GALNT13: variants seen among roughly 807,000 people sequenced by gnomAD.
The protein encoded by GALNT13 is polypeptide N-acetylgalactosaminyltransferase 13, also known as UDP-GalNAc:polypeptide N-acetylgalactosaminyltransferase 13.
GALNT13 carries 28 observed loss-of-function variants against 64.2 expected under a neutral mutation model. That is an observed-to-expected ratio of 0.44 (90% confidence interval 0.32 to 0.60). The LOEUF (loss-of-function observed/expected upper bound fraction) is 0.60. GALNT13 is among the 20% of genes least tolerant of loss of function. The pLI, the probability that GALNT13 is intolerant of heterozygous loss-of-function variation, is 0.05. For missense variants in GALNT13, 577 were observed against 669.8 expected (o/e 0.86, Z 1.53); for synonymous variants, 214 against 224.6 (o/e 0.95, Z 0.42).
At chr2:153,761,043 GTC>G in the GALNT13 span, among the ~76,000 whole-genome samples, 4 of 151,956 alleles carry the variant, frequency 2.6e-5, no homozygotes, top group Middle Eastern at 6.8e-3. Flanking sequence ...GCTAACCTTG[GTC>G]TCTCTCTTTT....
chr2:154,380,100 A>G (rs921518973), intron 9 of GALNT13, among the ~76,000 whole-genome samples: 1 of 152,100 alleles, frequency 6.6e-6, no homozygotes, highest in Admixed American at 6.6e-5. Context: ...ATAACTGAAC[A>G]AAAGGTATTT....
At chr2:153,442,154 G>T in the GALNT13 span, among the ~76,000 whole-genome samples, 1 of 152,170 alleles carries the variant, frequency 6.6e-6, no homozygotes, top group Non-Finnish European at 1.5e-5. Context: ...TTCTTAGCAT[G>T]ATGGGGATTT....
intron 8 of GALNT13, 21 bp from the exon 9 acceptor site, chr2:154,301,388 A>G: frequency 6.3e-7 from 1 of 1,597,070 alleles, no homozygotes; most frequent in South Asian, 1.1e-5. Flanking sequence ...CATTATTTAC[A>G]ATGATTGTTC....
chr2:153,217,309 A>G, the GALNT13 span, among the ~76,000 whole-genome samples: 3 of 152,044 alleles, frequency 2.0e-5, no homozygotes, highest in Non-Finnish European at 2.9e-5. Context: ...CATTTATCAT[A>G]AACTTGCCAT....
At chr2:153,106,005 TTGACA>T in the GALNT13 span, among the ~76,000 whole-genome samples, 3 of 152,190 alleles carry the variant, frequency 2.0e-5, no homozygotes, top group Non-Finnish European at 4.4e-5. Flanking sequence ...CAAGTCTCTG[TTGACA>T]TGACATTTGT....
intron 4 of GALNT13, among the ~76,000 whole-genome samples, chr2:154,212,340 G>A (rs1687821897): frequency 1.3e-5 from 2 of 151,974 alleles, no homozygotes; most frequent in Admixed American, 1.3e-4. Context: ...TGCCTCCTGG[G>A]TTAAAGCGAT....
chr2:153,747,717 G>C, the GALNT13 span, among the ~76,000 whole-genome samples: 2 of 151,988 alleles, frequency 1.3e-5, no homozygotes, highest in Admixed American at 6.6e-5. Context: ...GTGAGCCACT[G>C]CACCTGACCC....
intron 2 of GALNT13, among the ~76,000 whole-genome samples, chr2:153,910,081 G>C (rs1309372364): frequency 6.6e-6 from 1 of 150,412 alleles, no homozygotes; most frequent in Non-Finnish European, 1.5e-5. Flanking sequence ...TTTTTTTTTG[G>C]TTGGTAGACT....
chr2:154,381,673 T>C (rs1232722899), intron 9 of GALNT13, among the ~76,000 whole-genome samples: 3 of 152,086 alleles, frequency 2.0e-5, no homozygotes, highest in African/African-American at 7.2e-5. Context: ...TTCTTTCACT[T>C]ACTAGCTGTT....
At chr2:153,527,519 A>G in the GALNT13 span, among the ~76,000 whole-genome samples, 1 of 152,190 alleles carries the variant, frequency 6.6e-6, no homozygotes, top group Admixed American at 6.5e-5. Flanking sequence ...TCCTAAAGGA[A>G]TGCTAAAGGG....
At chr2:153,747,608 A>G in the GALNT13 span, among the ~76,000 whole-genome samples, 1 of 151,552 alleles carries the variant, frequency 6.6e-6, no homozygotes, top group Non-Finnish European at 1.5e-5. Context: ...TTGTATTTTT[A>G]GTAGAGACAG....
At chr2:154,149,203 A>G (rs1350190969) in intron 4 of GALNT13, among the ~76,000 whole-genome samples, 7 of 151,686 alleles carry the variant, frequency 4.6e-5, no homozygotes, top group African/African-American at 9.7e-5. Context: ...CCCATTGCTT[A>G]TTTTTCTCAG....
intron 4 of GALNT13, among the ~76,000 whole-genome samples, chr2:154,170,992 T>A (rs1418313879): frequency 1.3e-5 from 2 of 152,160 alleles, no homozygotes; most frequent in Non-Finnish European, 2.9e-5. Context: ...TTTGGGTAAT[T>A]TGCTTAAACT....
the GALNT13 span, among the ~76,000 whole-genome samples, chr2:153,147,332 CA>C: frequency 0.075 from 11,446 of 151,616 alleles, 754 homozygotes; most frequent in East Asian, 0.4. Context: ...GCAGCCGGGA[CA>C]AAAATCTGTT....
At chr2:154,049,071 C>T (rs970178246) in intron 3 of GALNT13, among the ~76,000 whole-genome samples, 18 of 151,854 alleles carry the variant, frequency 1.2e-4, no homozygotes, top group Non-Finnish European at 2.1e-4. Flanking sequence ...GCATAAATTC[C>T]AAAGTATAAT....
chr2:153,099,492 A>C, the GALNT13 span, among the ~76,000 whole-genome samples: 1 of 152,228 alleles, frequency 6.6e-6, no homozygotes, highest in South Asian at 2.1e-4. Flanking sequence ...TTGATTTGTT[A>C]TGCGTTCTGC....
the GALNT13 span, among the ~76,000 whole-genome samples, chr2:153,260,982 A>T: frequency 1.3e-5 from 2 of 152,054 alleles, no homozygotes; most frequent in African/African-American, 4.8e-5. Context: ...TTCTGATGTT[A>T]AGAGACTCTG....
chr2:153,963,661 G>A (rs1042222210), intron 3 of GALNT13, among the ~76,000 whole-genome samples: 8 of 151,042 alleles, frequency 5.3e-5, no homozygotes, highest in South Asian at 2.1e-4. Flanking sequence ...CTTGGATTTC[G>A]TGATAACTAT....
At chr2:154,023,789 T>G (rs1697720987) in intron 3 of GALNT13, among the ~76,000 whole-genome samples, 1 of 152,228 alleles carries the variant, frequency 6.6e-6, no homozygotes, top group Non-Finnish European at 1.5e-5. Context: ...CTTCCTAGCC[T>G]TGATGGTCTT....
Sources: allele counts gnomAD v4.1 joint callset (sites outside exome capture counted in the v4.1 genomes callset), GRCh38; gene constraint gnomAD v4.1.1; transcripts MANE v1.5; gene names NCBI Gene and HGNC (gene_info 2026-07-23, HGNC 2026-07-21).